Variants in NIPBL observed in about 807,000 individuals in gnomAD.
NIPBL encodes the protein nipped-B-like protein.
NIPBL carries 19 observed loss-of-function variants against 321.8 expected under a neutral mutation model. The observed-to-expected ratio is 0.06, with a 90% CI of 0.04 to 0.09. The LOEUF is 0.09. Ranked by LOEUF, NIPBL falls within the 10% of genes least tolerant of loss-of-function variation. The pLI is 1.00. For missense variants in NIPBL, 2,210 were observed against 3,327.0 expected, an observed-to-expected ratio of 0.66 and a Z score of 8.26; for synonymous variants, 1,106 against 1,114.1, an observed-to-expected ratio of 0.99 and a Z score of 0.14.
At chr5:36,897,772 A>G (rs999511806) in intron 1 of NIPBL, among the ~76,000 whole-genome samples, 7 of 152,134 alleles carry the variant, frequency 4.6e-5, no homozygotes, top group Non-Finnish European at 1.0e-4. Flanking sequence ...GCCTGCTAAC[A>G]ATGTGTATAT....
At chr5:36,969,257 AT>A (rs2149617238) in intron 6 of NIPBL, among the ~76,000 whole-genome samples, 1 of 152,340 alleles carries the variant, frequency 6.6e-6, no homozygotes, top group African/African-American at 2.4e-5. Context: ...TATAACACTG[AT>A]AAAAAATCTC....
intron 31 of NIPBL, among the ~76,000 whole-genome samples, chr5:37,026,926 A>AT: frequency 6.6e-6 from 1 of 151,810 alleles, no homozygotes; most frequent in East Asian, 1.9e-4. Context: ...AAAAAAAAAA[A>AT]GAAAAGAAAG....
chr5:37,007,427 T>C lies in NIPBL; in HGVS notation c.4192T>C (p.Ser1398Pro). 1 of 1,611,810 alleles carries C rather than the reference T, an allele frequency of 6.2e-7. No homozygotes were observed. The highest frequency in any genetic ancestry group is 8.5e-7 in the Non-Finnish European group (1 of 1,178,356). ...AGTTTGTGACATTGTTAGCAGCTTA[T>C]CAGAATTGCTAGAGATACAACTTCT... ...NKVCDIVSSL[S>P]ELLEIQLLTD... The change falls in exon 18 of 47, where the codon TCA becomes CCA. Residue 1398 changes from serine (S) to proline (P), a missense_variant. Physicochemically the swap from Ser to Pro is moderately conservative, Grantham distance 74 (BLOSUM62 -1). Transcript: ENST00000282516.
Position 37,040,052 on chromosome 5 carries a change from A to G in NIPBL, c.6108+1314A>G, listed in dbSNP as rs531875321. Among the ~76,000 whole-genome samples the G allele has an allele frequency of 7.9e-5, 12 of 152,270 alleles. No individual in the cohort carries two copies. The South Asian group carries it at 1.9e-3, about 24-fold the overall frequency. On this transcript the variant is annotated intron_variant, in intron 34 of 46. Coordinates refer to ENST00000282516, the MANE Select transcript of NIPBL (RefSeq NM_133433.4). ...ATAAGGAAATGAAAGCTTAAAGAAT[A>G]TAAATAACTGGCCCAATGTCACAGA...
intron 1 of NIPBL, among the ~76,000 whole-genome samples, chr5:36,925,341 G>T (rs1054139677): frequency 6.7e-6 from 1 of 149,670 alleles, no homozygotes; most frequent in Admixed American, 6.7e-5. Context: ...TGATCTCGGC[G>T]CACTGCAACC....
Position 36,985,892 on chromosome 5 carries a change from A to G in NIPBL, c.2712A>G (p.Arg904=). ...AACAAGGAGATTCTAATAAATCAAGATCTGATAAACTTGGTTTTAAATCAC... is the reference window on the plus strand; with the variant it reads ...AACAAGGAGATTCTAATAAATCAAGGTCTGATAAACTTGGTTTTAAATCAC... The part of the protein sequence containing the change: ...RVKQGDSNKS[R]SDKLGFKSPT... Residue 904 remains arginine, a synonymous_variant, in exon 10 of 47, where the codon AGA becomes AGG. Coordinates refer to ENST00000282516, the MANE Select transcript of NIPBL (RefSeq NM_133433.4). The G allele has an allele frequency of 1.9e-6, 3 of 1,613,930 alleles. No individual in the cohort carries two copies. The highest frequency in any genetic ancestry group is 2.5e-6 in the Non-Finnish European group (3 of 1,179,960).
chr5:36,949,020 G>A (rs1739993645), intron 1 of NIPBL, among the ~76,000 whole-genome samples: 1 of 151,828 alleles, frequency 6.6e-6, no homozygotes, highest in African/African-American at 2.4e-5. Context: ...GTAAGATGCA[G>A]AAGAATATAT....
rs1488398232 is a variant in NIPBL, at chr5:36,886,633, GT to G, written c.-80+9456del. On this transcript the variant is annotated intron_variant, in intron 1 of 46. Coordinates refer to ENST00000282516, the MANE Select transcript of NIPBL (RefSeq NM_133433.4). ...TTTTTAATATGTCAGGTGTATTGAG[GT>G]ATAATTTATACAGTAAAACTCAGTC... The G allele has an allele frequency of 1.4e-5, 7 of 499,348 alleles. No individual in the cohort carries two copies. In the East Asian group the frequency reaches 2.6e-4, roughly 18 times the overall value. The allele number at this position is 499,348 out of a possible 1,614,324, so 30.9% of individuals were successfully genotyped here. A position where few individuals can be genotyped will look rare whatever the true frequency, so the allele number is the denominator to read the frequency against.
chr5:36,937,938 A>G (rs780677952), intron 1 of NIPBL, among the ~76,000 whole-genome samples: 4 of 152,162 alleles, frequency 2.6e-5, no homozygotes, highest in Non-Finnish European at 5.9e-5. Flanking sequence ...TGAAGCACTT[A>G]TTAAATACCA....
intron 1 of NIPBL, among the ~76,000 whole-genome samples, chr5:36,887,748 T>C (rs1746023996): frequency 6.6e-6 from 1 of 152,188 alleles, no homozygotes; most frequent in East Asian, 1.9e-4. Flanking sequence ...CTCACAAATC[T>C]ATCTCCAGAA....
At position 37,000,784 on chromosome 5, in the gene NIPBL, C is replaced by A. The variant is rs1357184383; in HGVS notation, c.3503-33C>A. 14 of 1,543,304 alleles carry A rather than the reference C, an allele frequency of 9.1e-6. No individual in the cohort carries two copies. In the Admixed American group the frequency reaches 2.4e-4, roughly 26 times the overall value. The stretch of plus-strand genomic sequence containing the variant: ...ATGGAATTATTTTAAGTTGTCAGTC[C>A]TGCATTTCAGTACTTCTTTTTGTTC... On this transcript the variant is annotated intron_variant, in intron 12 of 46. Coordinates refer to ENST00000282516, the MANE Select transcript of NIPBL (RefSeq NM_133433.4).
At chr5:36,948,971 T>C (rs1431774300) in intron 1 of NIPBL, among the ~76,000 whole-genome samples, 4 of 151,914 alleles carry the variant, frequency 2.6e-5, no homozygotes, top group African/African-American at 9.7e-5. Context: ...GAGACATCTG[T>C]ATAAATGAAA....
In NIPBL at chr5:36,986,001, T is replaced by G. The variant is rs1744753101; in HGVS notation, c.2821T>G (p.Phe941Val). 1.2e-6 allele frequency: 2 copies of G among 1,614,002 alleles called. No homozygotes were observed. Among genetic ancestry groups the G allele is most frequent in the Admixed American group, 3.3e-5 (2 of 59,960 alleles). The change falls in exon 10 of 47, where the codon TTT (phenylalanine) becomes GTT (valine). Residue 941 changes from phenylalanine to valine, a missense_variant. Transcript: ENST00000282516. ...NKAHPDNKAE[F>V]PSYLLGGRSG... is the part of the protein sequence containing the mutation. The stretch of plus-strand genomic sequence containing the variant: ...AGCACACCCTGACAATAAGGCAGAA[T>G]TTCCAAGTTATTTGTTGGGGGGCAG...
In NIPBL at chr5:36,985,085, A is replaced by G. The variant is rs1211776361; in HGVS notation, c.1905A>G (p.Ser635=). ...AAAACCGATTGGTGGAGACAAAATC[A>G]AGTGAAAATAAGTTAGAAACTAAAG... ...PNENRLVETK[S]SENKLETKVE... Residue 635 remains serine, a synonymous_variant, in exon 10 of 47, where the codon TCA becomes TCG. Transcript: ENST00000282516. 5.0e-6 allele frequency: 8 copies of G among 1,613,956 alleles called. No homozygotes were observed. Among genetic ancestry groups the G allele is most frequent in the Non-Finnish European group, 6.8e-6 (8 of 1,179,944 alleles).
intron 1 of NIPBL, among the ~76,000 whole-genome samples, chr5:36,916,259 A>G (rs1218026051): frequency 6.6e-6 from 1 of 152,224 alleles, no homozygotes; most frequent in Admixed American, 6.5e-5. Flanking sequence ...TATAAGAGGC[A>G]GAAGATGATA....
At chr5:36,920,820 C>T (rs545945200) in intron 1 of NIPBL, among the ~76,000 whole-genome samples, 209 of 151,592 alleles carry the variant, frequency 1.4e-3, no homozygotes, top group Non-Finnish European at 2.4e-3. Context: ...CTTCTTTGTT[C>T]CTTAATTTTT....
At chr5:36,941,566 TA>T (rs1295680528) in intron 1 of NIPBL, among the ~76,000 whole-genome samples, 1 of 151,480 alleles carries the variant, frequency 6.6e-6, no homozygotes, top group East Asian at 1.9e-4. Context: ...CAGGTTTAAT[TA>T]AAGAGTTTGT....
intron 42 of NIPBL, 29 bp downstream of exon 42, chr5:37,052,595 A>T: frequency 6.4e-7 from 1 of 1,557,696 alleles, no homozygotes; most frequent in Non-Finnish European, 8.9e-7. Context: ...TATTTTAAGA[A>T]AATAAGTGCT....
At chr5:36,922,501 G>A (rs141340786) in intron 1 of NIPBL, among the ~76,000 whole-genome samples, 50 of 152,082 alleles carry the variant, frequency 3.3e-4, no homozygotes, top group African/African-American at 1.2e-3. Flanking sequence ...GGCCATTGTC[G>A]AGTATTATAC....
Sources: gnomAD v4.1 joint callset for allele counts (sites outside exome capture counted in the v4.1 genomes callset) on GRCh38, gnomAD v4.1.1 for gene constraint, MANE v1.5 for transcripts, NCBI Gene and HGNC (gene_info 2026-07-23, HGNC 2026-07-21) for gene names.